Variants in RFX3 observed in about 807,000 individuals in gnomAD.
RFX3 encodes the protein transcription factor RFX3.
RFX3 carries 14 observed loss-of-function variants against 98.6 expected under a neutral mutation model. The observed-to-expected ratio is 0.14, with a 90% CI of 0.09 to 0.22. RFX3 has a LOEUF of 0.22. Among genes scored for constraint, RFX3 ranks in the 10% least tolerant of loss-of-function variants. The probability of loss-of-function intolerance (pLI) is 1.00; values close to 1 mark genes in which losing one functional copy is unlikely to be tolerated. For missense variants in RFX3, 639 were observed against 926.9 expected, an observed-to-expected ratio of 0.69 and a Z score of 4.03; for synonymous variants, 383 against 328.4, an observed-to-expected ratio of 1.17 and a Z score of -1.80.
chr9:3,298,792 T>G (rs946321490), intron 5 of RFX3, among the ~76,000 whole-genome samples: 1 of 151,818 alleles, frequency 6.6e-6, no homozygotes, highest in African/African-American at 2.4e-5. Flanking sequence ...TTAGTCCTAA[T>G]AAGAGTTTTT....
At chr9:3,258,124 C>A (rs1253461883) in intron 13 of RFX3, among the ~76,000 whole-genome samples, 1 of 151,968 alleles carries the variant, frequency 6.6e-6, no homozygotes, top group Non-Finnish European at 1.5e-5. Context: ...CAAAACTAAC[C>A]TCAAGCAATT....
At chr9:3,339,487 C>T (rs570134435) in intron 3 of RFX3, among the ~76,000 whole-genome samples, 3 of 152,228 alleles carry the variant, frequency 2.0e-5, no homozygotes, top group African/African-American at 4.8e-5. Context: ...GTGAATGCCA[C>T]ATCAGCATCT....
chr9:3,486,533 TC>T (rs1850290914), intron 1 of RFX3, among the ~76,000 whole-genome samples: 1 of 152,176 alleles, frequency 6.6e-6, no homozygotes, highest in African/African-American at 2.4e-5. Context: ...TCAGTGTCTC[TC>T]CAACTGCTTT....
chr9:3,349,721 C>T (rs1022919545), intron 2 of RFX3, among the ~76,000 whole-genome samples: 1 of 152,044 alleles, frequency 6.6e-6, no homozygotes, highest in Non-Finnish European at 1.5e-5. Flanking sequence ...AATACATACA[C>T]ACCTCATTCT....
chr9:3,473,444 A>G (rs1302103794), intron 1 of RFX3, among the ~76,000 whole-genome samples: 1 of 152,238 alleles, frequency 6.6e-6, no homozygotes, highest in African/African-American at 2.4e-5. Flanking sequence ...ACAAAAGTCT[A>G]AAACATGCGT....
At chr9:3,514,154 T>G (rs1036077009) in intron 1 of RFX3, among the ~76,000 whole-genome samples, 1 of 152,154 alleles carries the variant, frequency 6.6e-6, no homozygotes, top group African/African-American at 2.4e-5. Flanking sequence ...TACACGAAGG[T>G]CATTCAAAGA....
At chr9:3,429,161 T>C (rs894810869) in intron 1 of RFX3, among the ~76,000 whole-genome samples, 3 of 151,240 alleles carry the variant, frequency 2.0e-5, no homozygotes, top group Admixed American at 2.0e-4. Flanking sequence ...TAGCTGGGAC[T>C]ACAGGCGCCC....
rs915645244 is a variant in RFX3, at chr9:3,519,503, C to T, written c.-9+6244G>A. On this transcript the variant is annotated intron_variant, in intron 1 of 16. Coordinates refer to ENST00000617270, the MANE Select transcript of RFX3 (RefSeq NM_001282116.2). ...GCCTTCCCTAAAAATAAAGCCAACG[C>T]GTATTGAACACATATTGTGTCAAAT... is the stretch of plus-strand genomic sequence containing the variant. Among the ~76,000 whole-genome samples, 7 of 152,248 alleles carry T rather than the reference C, an allele frequency of 4.6e-5. 1 individual carries two copies. The highest frequency in any genetic ancestry group is 1.2e-4 in the African/African-American group (5 of 41,534).
intron 1 of RFX3, among the ~76,000 whole-genome samples, chr9:3,411,321 CT>C (rs1280729327): frequency 3.3e-5 from 5 of 152,052 alleles, no homozygotes; most frequent in African/African-American, 1.2e-4. Context: ...CTGTGTCTTT[CT>C]TTCCCCCTTT....
chr9:3,431,591 T>A (rs143037063), intron 1 of RFX3, among the ~76,000 whole-genome samples: 1 of 152,322 alleles, frequency 6.6e-6, no homozygotes, highest in African/African-American at 2.4e-5. Flanking sequence ...GCAGGATTGC[T>A]ATAAGAAAAG....
chr9:3,226,775 G>A (rs180976920), intron 16 of RFX3, among the ~76,000 whole-genome samples: 68 of 152,186 alleles, frequency 4.5e-4, no homozygotes, highest in African/African-American at 1.6e-3. Context: ...ATATGTTTTG[G>A]TTTTTCATGT....
chr9:3,317,636 T>C (rs1000593502), intron 4 of RFX3, among the ~76,000 whole-genome samples: 2 of 152,210 alleles, frequency 1.3e-5, no homozygotes, highest in African/African-American at 2.4e-5. Flanking sequence ...AAAGGGCTAA[T>C]ATCCAGAATC....
At chr9:3,501,072 T>C (rs1347395238) in intron 1 of RFX3, among the ~76,000 whole-genome samples, 1 of 152,184 alleles carries the variant, frequency 6.6e-6, no homozygotes, top group Non-Finnish European at 1.5e-5. Flanking sequence ...TATAATTAAG[T>C]GTGGCATTCG....
intron 4 of RFX3, among the ~76,000 whole-genome samples, chr9:3,315,853 T>C (rs1385307625): frequency 6.6e-6 from 1 of 152,016 alleles, no homozygotes; most frequent in Non-Finnish European, 1.5e-5. Context: ...AATAGACCAA[T>C]AACAGGTTCC....
chr9:3,369,916 GC>G, intron 2 of RFX3, among the ~76,000 whole-genome samples: 1 of 151,526 alleles, frequency 6.6e-6, no homozygotes, highest in Non-Finnish European at 1.5e-5. Context: ...TGCAAGCTCC[GC>G]CCTCGGGTTC....
intron 4 of RFX3, among the ~76,000 whole-genome samples, chr9:3,315,700 C>A (rs1464194004): frequency 6.6e-6 from 1 of 152,082 alleles, no homozygotes; most frequent in East Asian, 1.9e-4. Flanking sequence ...GATATCACCA[C>A]CGATCTCATA....
chr9:3,253,364 G>C (rs1821682909), intron 14 of RFX3, among the ~76,000 whole-genome samples: 1 of 152,082 alleles, frequency 6.6e-6, no homozygotes, highest in Admixed American at 6.6e-5. Flanking sequence ...CCAGTTGTAG[G>C]CAAACTAGGC....
chr9:3,323,600 A>G (rs1331974028), intron 4 of RFX3, among the ~76,000 whole-genome samples: 1 of 152,222 alleles, frequency 6.6e-6, no homozygotes, highest in African/African-American at 2.4e-5. Flanking sequence ...ATTTATGAGC[A>G]TCATTAAACT....
intron 2 of RFX3, among the ~76,000 whole-genome samples, chr9:3,363,969 G>A (rs1057386383): frequency 9.2e-5 from 14 of 152,168 alleles, no homozygotes; most frequent in African/African-American, 2.4e-4. Flanking sequence ...TCCGCCTCCC[G>A]GATTCAAGCA....
Sources: allele counts gnomAD v4.1 joint callset (sites outside exome capture counted in the v4.1 genomes callset), GRCh38; gene constraint gnomAD v4.1.1; transcripts MANE v1.5; gene names NCBI Gene and HGNC (gene_info 2026-07-23, HGNC 2026-07-21).